The following SAMD5 variants were observed in gnomAD, a reference collection of about 807,000 sequenced individuals.
The protein encoded by SAMD5 is sterile alpha motif domain-containing protein 5.
SAMD5 carries 13 observed loss-of-function variants against 11.3 expected under a neutral mutation model. That is an observed-to-expected ratio of 1.15 (90% CI 0.75 to 1.83). SAMD5 has a LOEUF of 1.83. Ranked by LOEUF, SAMD5 falls within the 40% of genes most tolerant of loss-of-function variation. The pLI is 0.00. For missense variants in SAMD5, 255 were observed against 239.1 expected (o/e 1.07, Z -0.44); for synonymous variants, 129 against 111.3 (o/e 1.16, Z -1.00).
rs542705613 is a variant in SAMD5, at chr6:147,730,583, C to T, written c.163-6734C>T. Among the ~76,000 whole-genome samples the T allele has an allele frequency of 2.6e-5, 4 of 152,232 alleles. No homozygotes were observed. The South Asian group carries it at 6.2e-4, about 24-fold the overall frequency. ...GGTAGCTTGCATTTGGGATGTCTAA[C>T]TTTGGACTTCAGAAGAACAATCTAG... On this transcript the variant is annotated intron_variant, in intron 1 of 1. Coordinates refer to the SAMD5 transcript ENST00000566741.
the SAMD5 span, among the ~76,000 whole-genome samples, chr6:147,914,050 C>T: frequency 1.3e-5 from 2 of 152,108 alleles, no homozygotes; most frequent in African/African-American, 2.4e-5. Flanking sequence ...CTAGAGCAAA[C>T]TTGTCCAACC....
At chr6:147,585,814 C>T (rs539277837) in intron 1 of SAMD5, among the ~76,000 whole-genome samples, 1 of 152,232 alleles carries the variant, frequency 6.6e-6, no homozygotes, top group Admixed American at 6.5e-5. Context: ...TGCCATTTCA[C>T]TTTTGAGAGA....
the SAMD5 span, among the ~76,000 whole-genome samples, chr6:147,852,198 A>C: frequency 6.6e-6 from 1 of 152,126 alleles, no homozygotes. Flanking sequence ...ACAAGTATTT[A>C]TTTATCTGGC....
intron 1 of SAMD5, among the ~76,000 whole-genome samples, chr6:147,515,146 C>CTCAAAT (rs1788144731): frequency 6.8e-6 from 1 of 146,566 alleles, no homozygotes; most frequent in Non-Finnish European, 1.5e-5. Context: ...AATCAGTGTC[C>CTCAAAT]TCAAATACCC....
chr6:147,837,031 A>C, the SAMD5 span, among the ~76,000 whole-genome samples: 1 of 152,216 alleles, frequency 6.6e-6, no homozygotes, highest in Non-Finnish European at 1.5e-5. Context: ...TACCACAAAC[A>C]ATGTGCCGGT....
the SAMD5 span, among the ~76,000 whole-genome samples, chr6:147,829,961 A>T: frequency 6.6e-6 from 1 of 152,172 alleles, no homozygotes; most frequent in Non-Finnish European, 1.5e-5. Flanking sequence ...ATTATTTCAT[A>T]GGTAATGGGA....
At chr6:147,520,196 C>A (rs567614724) in intron 1 of SAMD5, among the ~76,000 whole-genome samples, 2 of 150,322 alleles carry the variant, frequency 1.3e-5, no homozygotes, top group African/African-American at 2.5e-5. Context: ...TGGCTCACTG[C>A]AACCTTCACC....
chr6:147,761,748 C>T, the SAMD5 span, among the ~76,000 whole-genome samples: 96 of 152,322 alleles, frequency 6.3e-4, no homozygotes, highest in South Asian at 8.3e-3. Context: ...GAGTCTCACT[C>T]TGTAGCCCAG....
chr6:147,581,416 C>G (rs1017377678), intron 1 of SAMD5, among the ~76,000 whole-genome samples: 1 of 152,014 alleles, frequency 6.6e-6, no homozygotes, highest in Non-Finnish European at 1.5e-5. Flanking sequence ...CTAATTAAAC[C>G]ACAGGAAAGG....
At chr6:147,831,857 G>A in the SAMD5 span, among the ~76,000 whole-genome samples, 55 of 152,242 alleles carry the variant, frequency 3.6e-4, 1 homozygote, top group South Asian at 0.011. Flanking sequence ...TTGGCTGTCA[G>A]AGCAAGACTC....
intron 1 of SAMD5, among the ~76,000 whole-genome samples, chr6:147,586,912 C>A (rs1442205301): frequency 2.0e-5 from 3 of 151,978 alleles, no homozygotes; most frequent in Non-Finnish European, 2.9e-5. Context: ...ATTATTTGTA[C>A]ATAAATTATA....
intron 1 of SAMD5, among the ~76,000 whole-genome samples, chr6:147,677,136 C>T (rs192111199): frequency 3.7e-4 from 57 of 152,114 alleles, no homozygotes; most frequent in African/African-American, 1.3e-3. Flanking sequence ...CTGAGGAATG[C>T]GGTGTGCTGC....
chr6:147,680,738 A>C (rs187113248), intron 1 of SAMD5, among the ~76,000 whole-genome samples: 1 of 152,092 alleles, frequency 6.6e-6, no homozygotes, highest in Non-Finnish European at 1.5e-5. Flanking sequence ...GATTCTGTCA[A>C]ATATTTTTTC....
the SAMD5 span, among the ~76,000 whole-genome samples, chr6:147,781,797 CA>C: frequency 2.0e-5 from 3 of 151,086 alleles, no homozygotes; most frequent in African/African-American, 7.3e-5. Context: ...CACACACACA[CA>C]CACACACACA....
At chr6:147,781,168 T>A in the SAMD5 span, among the ~76,000 whole-genome samples, 1 of 151,852 alleles carries the variant, frequency 6.6e-6, no homozygotes, top group Non-Finnish European at 1.5e-5. Flanking sequence ...TGTTTTTTTT[T>A]TTTTTGAGAC....
chr6:147,594,065 G>T (rs766251558), intron 1 of SAMD5, among the ~76,000 whole-genome samples: 12 of 151,874 alleles, frequency 7.9e-5, no homozygotes, highest in African/African-American at 1.7e-4. Context: ...GGAGATGGAG[G>T]TTGCACTGAG....
At chr6:147,697,852 A>G (rs1791198068) in intron 1 of SAMD5, among the ~76,000 whole-genome samples, 1 of 152,176 alleles carries the variant, frequency 6.6e-6, no homozygotes, top group South Asian at 2.1e-4. Context: ...TAAGGTTCAT[A>G]AGACCAGAAG....
chr6:147,909,397 T>A, the SAMD5 span, among the ~76,000 whole-genome samples: 2 of 152,154 alleles, frequency 1.3e-5, no homozygotes, highest in African/African-American at 4.8e-5. Context: ...CCTTTGAAAA[T>A]GTTTACATGG....
At chr6:147,698,185 G>A (rs1791204831) in intron 1 of SAMD5, among the ~76,000 whole-genome samples, 1 of 152,056 alleles carries the variant, frequency 6.6e-6, no homozygotes, top group South Asian at 2.1e-4. Flanking sequence ...GTGTGGCCTG[G>A]TTCCTAACAG....
Sources: allele counts gnomAD v4.1 joint callset (sites outside exome capture counted in the v4.1 genomes callset), GRCh38; gene constraint gnomAD v4.1.1; transcripts MANE v1.5; gene names NCBI Gene and HGNC (gene_info 2026-07-23, HGNC 2026-07-21).